Variants in MYH11 observed in about 807,000 individuals in gnomAD.
MYH11 encodes myosin heavy chain 11.
Under a neutral mutation model 246.6 loss-of-function variants are expected in MYH11, and 80 were observed. The observed-to-expected ratio is 0.32, with a 90% CI of 0.27 to 0.39. MYH11 has a LOEUF of 0.39. Ranked by LOEUF, MYH11 falls within the 10% of genes least tolerant of loss-of-function variation. The probability of loss-of-function intolerance (pLI) is 1.00; values close to 1 mark genes in which losing one functional copy is unlikely to be tolerated. For missense variants in MYH11, 2,158 were observed against 2,546.8 expected (o/e 0.85, Z 3.29); for synonymous variants, 1,071 against 1,015.5 (o/e 1.05, Z -1.04).
intron 4 of MYH11, chr16:15,792,492 T>C (rs1485050190): frequency 2.0e-5 from 3 of 152,222 alleles, no homozygotes; most frequent in African/African-American, 7.2e-5. Flanking sequence ...ACTCTTTTTG[T>C]AAAAGGTCAG....
In MYH11 at chr16:15,715,183, G is replaced by A. The variant is rs1197566728; in HGVS notation, c.5594C>T (p.Ala1865Val). ...GGCTACCTGCTCCTTGTACTGCTCG[G>A]CCATCTTGCGCTCGTCCTCCACCTG... ...LLQVEDERKM[A>V]EQYKEQAEKG... The change falls in exon 39 of 41, where the codon GCC (alanine) becomes GTC (valine). Residue 1865 changes from alanine (A) to valine (V), a missense_variant. Around this residue, in one of 11 missense-constraint regions of MYH11, gnomAD observed 1,013 missense variants for 993.5 expected, o/e 1.02. Transcript: ENST00000300036. 1 of 1,613,842 alleles carries A rather than the reference G, an allele frequency of 6.2e-7. No homozygotes were observed. Among genetic ancestry groups the A allele is most frequent in the African/African-American group, 1.3e-5 (1 of 75,038 alleles).
rs748483924 is a variant in MYH11, at chr16:15,823,291, C to A, written c.466G>T (p.Ala156Ser). ...CTCCGGTAGGCCGTGTCTGCGATGG[C>A]GTAGATGTGAGGCGGCATCTCGTGC... ...KRHEMPPHIY[A>S]IADTAYRSML... The change falls in exon 3 of 41, where the codon GCC (alanine) becomes TCC (serine). Residue 156 changes from alanine (A) to serine (S), a missense_variant. Coordinates refer to ENST00000300036, the MANE Select transcript of MYH11 (RefSeq NM_002474.3). 2 of 1,614,176 alleles carry A rather than the reference C, an allele frequency of 1.2e-6. No individual in the cohort carries two copies. Among genetic ancestry groups the A allele is most frequent in the Non-Finnish European group, 8.5e-7 (1 of 1,180,044 alleles).
At chr16:15,751,855 A>G (rs182158097) in intron 15 of MYH11, among the ~76,000 whole-genome samples, 2 of 151,218 alleles carry the variant, frequency 1.3e-5, no homozygotes, top group Admixed American at 6.6e-5. Context: ...CTGGAGTCCA[A>G]TGGCACAATC....
chr16:15,738,810 A>G (rs1041690509), intron 23 of MYH11, 122 bp from the exon 24 acceptor site: 9 of 1,169,092 alleles, frequency 7.7e-6, no homozygotes, highest in African/African-American at 1.6e-5. Flanking sequence ...ACAAAATACA[A>G]CTAGAGTTTT....
chr16:15,724,098 T>C, intron 31 of MYH11, 63 bp downstream of exon 31: 4 of 1,608,020 alleles, frequency 2.5e-6, no homozygotes, highest in African/African-American at 1.3e-5. Context: ...CGTCATACTC[T>C]GCAGAGCTGA....
At chr16:15,849,402 T>C (rs147598500) in intron 1 of MYH11, among the ~76,000 whole-genome samples, 1 of 152,242 alleles carries the variant, frequency 6.6e-6, no homozygotes, top group Non-Finnish European at 1.5e-5. Flanking sequence ...CACATCTGAG[T>C]GTGTCAGCCT....
chr16:15,827,815 A>C (rs1216354224), intron 2 of MYH11, among the ~76,000 whole-genome samples: 1 of 152,172 alleles, frequency 6.6e-6, no homozygotes, highest in Non-Finnish European at 1.5e-5. Context: ...TCAGTGGACT[A>C]CACTGAGCCA....
intron 27 of MYH11, among the ~76,000 whole-genome samples, chr16:15,732,108 T>C (rs1337698099): frequency 6.6e-6 from 1 of 151,976 alleles, no homozygotes; most frequent in Admixed American, 6.6e-5. Context: ...ATTACAGGCA[T>C]GCACCACCGC....
Position 15,756,426 on chromosome 16 carries a change from G to A in MYH11, c.1664C>T (p.Thr555Met), listed in dbSNP as rs2041718828. The change falls in exon 14 of 41, where the codon ACG becomes ATG. Residue 555 changes from threonine (T) to methionine (M), a missense_variant. Thr to Met is a moderately conservative substitution (Grantham distance 81). Coordinates refer to ENST00000300036, the MANE Select transcript of MYH11 (RefSeq NM_002474.3). Reference sequence around the variant, plus strand: ...GAACTTGGGGTGGCTGCCCTGCTCCGTGCACAGCTTCTCCACGAAAGACTT... The same window carrying A: ...GAACTTGGGGTGGCTGCCCTGCTCCATGCACAGCTTCTCCACGAAAGACTT... ...TDKSFVEKLCTEQGSHPKFQK... is the reference protein window; with the variant it reads ...TDKSFVEKLCMEQGSHPKFQK... 4 of 1,614,136 alleles carry A rather than the reference G, an allele frequency of 2.5e-6. No individual in the cohort carries two copies. Among genetic ancestry groups the A allele is most frequent in the Non-Finnish European group, 3.4e-6 (4 of 1,180,020 alleles).
Position 15,788,095 on chromosome 16 carries a change from T to TTTTTTTTTTTTTTTTTTTTA in MYH11, c.531-1364_531-1363insTAAAAAAAAAAAAAAAAAAA, listed in dbSNP as rs11273419. Among the ~76,000 whole-genome samples, 70 of 99,514 alleles carry TTTTTTTTTTTTTTTTTTTTA rather than the reference T, an allele frequency of 7.0e-4. 15 individuals carry two copies. Among genetic ancestry groups the TTTTTTTTTTTTTTTTTTTTA allele is most frequent in the East Asian group, 1.6e-3 (4 of 2,494 alleles). 65.3% of individuals were successfully genotyped at this position (99,514 alleles called of 152,430 possible). ...GGTAGATCTTTTTTTTTTTTTTTTTTACCAAGATGGCTTTCGTGCACTAGC... is the reference window on the plus strand; with the variant it reads ...GGTAGATCTTTTTTTTTTTTTTTTTTTTTTTTTTTTTTTTTTTTTAACCAAGATGGCTTTCGTGCACTAGC... On this transcript the variant is annotated intron_variant, in intron 4 of 40. Transcript: ENST00000300036.
intron 1 of MYH11, among the ~76,000 whole-genome samples, chr16:15,854,260 C>A (rs2044404027): frequency 6.6e-6 from 1 of 152,166 alleles, no homozygotes; most frequent in East Asian, 1.9e-4. Flanking sequence ...CCATACTGAG[C>A]AAACATCTTG....
At chr16:15,768,506 T>C (rs1200187261) in intron 9 of MYH11, among the ~76,000 whole-genome samples, 1 of 152,190 alleles carries the variant, frequency 6.6e-6, no homozygotes, top group African/African-American at 2.4e-5. Context: ...TCTTGGTTTA[T>C]AAATGGGGTT....
At position 15,856,752 on chromosome 16, in the gene MYH11, G is replaced by C. The variant is rs536928242; in HGVS notation, c.-18+189C>G. 1.2e-4 allele frequency among the ~76,000 whole-genome samples: 19 copies of C among 152,148 alleles called. No individual in the cohort carries two copies. In the South Asian group the frequency reaches 3.5e-3, roughly 28 times the overall value. On this transcript the variant is annotated intron_variant, in intron 1 of 40. Coordinates refer to ENST00000300036, the MANE Select transcript of MYH11 (RefSeq NM_002474.3). ...GCAATCTTAAGAAATGCTGTTTGGG[G>C]AAAGTCTAGGATAATCTAAGACGAT...
At chr16:15,764,393 C>T (rs1247180840) in intron 9 of MYH11, among the ~76,000 whole-genome samples, 1 of 152,058 alleles carries the variant, frequency 6.6e-6, no homozygotes. Context: ...CCTGCGACCC[C>T]AGCACTTTGG....
At chr16:15,733,029 TA>T (rs1433277611) in intron 26 of MYH11, 11 of 438,784 alleles carry the variant, frequency 2.5e-5, no homozygotes, top group Non-Finnish European at 4.6e-5. Flanking sequence ...AATGAGCAGT[TA>T]CTATATGCCA....
At position 15,703,576 on chromosome 16, in the gene MYH11, CA is replaced by C. The variant is rs879315859; in HGVS notation, c.*414del. 3 of 347,052 alleles carry C rather than the reference CA, an allele frequency of 8.6e-6. No homozygotes were observed. The highest frequency in any genetic ancestry group is 1.6e-5 in the Non-Finnish European group (3 of 184,278). 21.5% of individuals were successfully genotyped at this position (347,052 alleles called of 1,614,324 possible). Reference sequence around the variant, plus strand: ...CAAACTTCAATTTTTACCTTGAATACAGGGGTAGTAGGGGTGGTGGTGGTGG... The same window carrying C: ...CAAACTTCAATTTTTACCTTGAATACGGGGTAGTAGGGGTGGTGGTGGTGG... On this transcript the variant is annotated 3_prime_UTR_variant, in exon 41 of 41. Coordinates refer to ENST00000300036, the MANE Select transcript of MYH11 (RefSeq NM_002474.3).
At position 15,703,869 on chromosome 16, in the gene MYH11, T is replaced by A. The variant is rs753413924; in HGVS notation, c.*122A>T. On this transcript the variant is annotated 3_prime_UTR_variant, in exon 41 of 41. Transcript: ENST00000300036. Reference sequence around the variant, plus strand: ...TGATATTTGGAATTTGAGAATGGATTTAGACAATGCTAAGTACAGTCTGCT... The same window carrying A: ...TGATATTTGGAATTTGAGAATGGATATAGACAATGCTAAGTACAGTCTGCT... 1.1e-5 allele frequency: 15 copies of A among 1,338,250 alleles called. No homozygotes were observed. In the South Asian group the frequency reaches 1.7e-4, roughly 15 times the overall value. 82.9% of individuals were successfully genotyped at this position (1,338,250 alleles called of 1,614,324 possible).
intron 36 of MYH11, 55 bp downstream of exon 36, chr16:15,719,165 T>G (rs926789907): frequency 6.6e-7 from 1 of 1,519,886 alleles, no homozygotes; most frequent in Admixed American, 1.7e-5. Context: ...TCGAGGATGC[T>G]GCCTGTCCCC....
In MYH11 at chr16:15,721,178, G is replaced by A. The variant is rs981808945; in HGVS notation, c.4579-127C>T. ...TTGGCCTCCCACAGGATGCATGGCCGGGACTCAAGATGACCCCTGAGAGTT... is the reference window on the plus strand; with the variant it reads ...TTGGCCTCCCACAGGATGCATGGCCAGGACTCAAGATGACCCCTGAGAGTT... On this transcript the variant is annotated intron_variant, in intron 32 of 40. Transcript: ENST00000300036. The A allele has an allele frequency of 2.2e-5, 24 of 1,101,700 alleles. 1 individual carries two copies. Among genetic ancestry groups the A allele is most frequent in the Middle Eastern group, 4.9e-4 (2 of 4,074 alleles). The allele number at this position is 1,101,700 out of a possible 1,614,324, so 68.2% of individuals were successfully genotyped here. A position where few individuals can be genotyped will look rare whatever the true frequency, so the allele number is the denominator to read the frequency against.
Sources: gnomAD v4.1 joint callset for allele counts (sites outside exome capture counted in the v4.1 genomes callset) on GRCh38, gnomAD v4.1.1 for gene constraint, gnomAD v4.1.1 regional missense constraint, MANE v1.5 for transcripts, NCBI Gene and HGNC (gene_info 2026-07-23, HGNC 2026-07-21) for gene names.